Variants in DNAH6 observed in about 807,000 individuals in gnomAD.
DNAH6 encodes the protein axonemal beta dynein heavy chain 6.
A neutral mutation model predicts 491.4 loss-of-function variants in DNAH6; 340 were observed. The observed-to-expected ratio is 0.69, with a 90% CI of 0.63 to 0.76. The LOEUF is 0.76. DNAH6 is among the 30% of genes least tolerant of loss of function. DNAH6 has a pLI of 0.00. For synonymous variants in DNAH6, 1,603 were observed against 1,686.1 expected (o/e 0.95, Z 1.21); for missense variants, 4,443 against 4,972.2 (o/e 0.89, Z 3.20).
intron 61 of DNAH6, among the ~76,000 whole-genome samples, chr2:84,729,636 G>A (rs1319469724): frequency 6.6e-6 from 1 of 152,130 alleles, no homozygotes; most frequent in Admixed American, 6.5e-5. Context: ...ATCTTGAAAA[G>A]TTTAAAATAT....
At chr2:84,530,434 G>A (rs1184411661) in intron 4 of DNAH6, among the ~76,000 whole-genome samples, 1 of 152,120 alleles carries the variant, frequency 6.6e-6, no homozygotes, top group Non-Finnish European at 1.5e-5. Context: ...CCTGAACTGG[G>A]AGCAGACCTG....
At chr2:84,647,812 A>T (rs905476001) in intron 33 of DNAH6, among the ~76,000 whole-genome samples, 1 of 152,276 alleles carries the variant, frequency 6.6e-6, no homozygotes, top group African/African-American at 2.4e-5. Context: ...ATCATTCTAT[A>T]GCATTCTGTT....
chr2:84,577,479 A>G, intron 13 of DNAH6, 71 bp downstream of exon 13: 1 of 1,116,146 alleles, frequency 9.0e-7, no homozygotes, highest in Non-Finnish European at 1.2e-6. Context: ...CTGCACAAAA[A>G]CCTAGTATTT....
chr2:84,575,527 G>A (rs914492750), intron 12 of DNAH6, among the ~76,000 whole-genome samples: 1 of 152,180 alleles, frequency 6.6e-6, no homozygotes, highest in Non-Finnish European at 1.5e-5. Context: ...GCAACCTCAG[G>A]ATTAAACAGC....
chr2:84,592,837 A>G (rs1375545384), intron 16 of DNAH6, among the ~76,000 whole-genome samples: 1 of 152,194 alleles, frequency 6.6e-6, no homozygotes, highest in African/African-American at 2.4e-5. Flanking sequence ...CTACAAAAGG[A>G]CAAATACTGC....
chr2:84,752,779 G>T (rs754229683), intron 63 of DNAH6, among the ~76,000 whole-genome samples: 3 of 152,028 alleles, frequency 2.0e-5, no homozygotes, highest in East Asian at 1.9e-4. Flanking sequence ...ATACTATTGC[G>T]TGGATATGCC....
chr2:84,613,140 A>AGTGTGT (rs745776121), intron 22 of DNAH6, among the ~76,000 whole-genome samples: 1 of 150,928 alleles, frequency 6.6e-6, no homozygotes, highest in South Asian at 2.1e-4. Context: ...TGAGAGAGAG[A>AGTGTGT]GAGAGTGTGT....
Position 84,529,026 on chromosome 2 carries a change from C to T in DNAH6, c.522C>T (p.Asp174=), listed in dbSNP as rs1041251638. 6.4e-7 allele frequency: 1 copy of T among 1,551,314 alleles called. No individual in the cohort carries two copies. ...CTTACCCTAAGTACACTTTTCACGA[C>T]CGAGAAGAAGTTGTTAAAGCCAACA... ...SSAYPKYTFH[D]REEVVKANIR... The change falls in exon 4 of 77, where the codon GAC becomes GAT. Residue 174 remains aspartate (D), a synonymous_variant. Coordinates refer to ENST00000389394, the MANE Select transcript of DNAH6 (RefSeq NM_001370.2).
At chr2:84,620,625 T>C (rs901821611) in intron 24 of DNAH6, among the ~76,000 whole-genome samples, 4 of 152,058 alleles carry the variant, frequency 2.6e-5, no homozygotes, top group Admixed American at 6.6e-5. Flanking sequence ...GTGGTGTATC[T>C]ATGGGAACAT....
intron 18 of DNAH6, among the ~76,000 whole-genome samples, chr2:84,603,185 A>G (rs531285683): frequency 6.6e-6 from 1 of 152,146 alleles, no homozygotes; most frequent in Non-Finnish European, 1.5e-5. Context: ...GGTATCTTAT[A>G]TAGTACAGTA....
chr2:84,741,520 A>G (rs1391059008), intron 62 of DNAH6, among the ~76,000 whole-genome samples: 2 of 151,960 alleles, frequency 1.3e-5, no homozygotes, highest in African/African-American at 4.8e-5. Flanking sequence ...TCAAAAGGGC[A>G]CCTTGGGCCT....
intron 41 of DNAH6, among the ~76,000 whole-genome samples, chr2:84,677,809 G>A (rs1693396171): frequency 1.3e-5 from 2 of 152,194 alleles, no homozygotes. Flanking sequence ...AAGAGAGATT[G>A]TGAGCTGAGT....
the DNAH6 span, among the ~76,000 whole-genome samples, chr2:84,510,771 C>T: frequency 2.6e-5 from 4 of 152,144 alleles, no homozygotes; most frequent in South Asian, 2.1e-4. Context: ...GTCCTTTCTG[C>T]TTGTTAGTTT....
chr2:84,692,438 TAGATAGATA>T (rs1415186240), intron 45 of DNAH6, among the ~76,000 whole-genome samples: 2 of 145,624 alleles, frequency 1.4e-5, no homozygotes, highest in African/African-American at 5.3e-5. Context: ...GATAGATAGA[TAGATAGATA>T]GATAGATAGA....
chr2:84,559,407 T>C (rs1041211916), intron 11 of DNAH6, among the ~76,000 whole-genome samples: 12 of 152,040 alleles, frequency 7.9e-5, no homozygotes, highest in African/African-American at 2.9e-4. Flanking sequence ...CTACTGAAAA[T>C]GTAAGTGCTG....
At chr2:84,510,207 TA>T in the DNAH6 span, among the ~76,000 whole-genome samples, 1 of 152,244 alleles carries the variant, frequency 6.6e-6, no homozygotes, top group South Asian at 2.1e-4. Context: ...CACTTTCAGG[TA>T]CAAAAATCAG....
At chr2:84,781,467 T>C (rs1361043432) in intron 64 of DNAH6, 26 bp from the exon 65 acceptor site, 8 of 1,527,676 alleles carry the variant, frequency 5.2e-6, no homozygotes, top group Non-Finnish European at 6.2e-6. Flanking sequence ...CATAAGATGA[T>C]ATTGTGTTCT....
chr2:84,762,896 C>T lies in DNAH6; in HGVS notation c.10654C>T (p.Pro3552Ser). Residue 3552 changes from proline (P) to serine (S), a missense_variant, in exon 64 of 77, where the codon CCC becomes TCC. By Grantham distance (74) the Pro-to-Ser change is moderately conservative. Around this residue, in one of 3 missense-constraint regions of DNAH6, gnomAD observed 1,463 missense variants for 1,656.6 expected, o/e 0.88. Coordinates refer to ENST00000389394, the MANE Select transcript of DNAH6 (RefSeq NM_001370.2). ...ATTCATCCTAAGCACAGGCTCAGATCCCATGGGTGCATTTCAGAGGTTTGC... is the reference window on the plus strand; with the variant it reads ...ATTCATCCTAAGCACAGGCTCAGATTCCATGGGTGCATTTCAGAGGTTTGC... ...LVFILSTGSD[P>S]MGAFQRFARE... 3 of 1,551,540 alleles carry T rather than the reference C, an allele frequency of 1.9e-6. No homozygotes were observed. Among genetic ancestry groups the T allele is most frequent in the Non-Finnish European group, 2.6e-6 (3 of 1,146,834 alleles).
chr2:84,465,831 A>G, the DNAH6 span, among the ~76,000 whole-genome samples: 1 of 152,268 alleles, frequency 6.6e-6, no homozygotes, highest in Non-Finnish European at 1.5e-5. Flanking sequence ...ACTTAAAAAC[A>G]ATTGATAAGA....
Sources: allele counts gnomAD v4.1 joint callset (sites outside exome capture counted in the v4.1 genomes callset), GRCh38; gene constraint gnomAD v4.1.1; regional missense constraint gnomAD v4.1.1; transcripts MANE v1.5; gene names NCBI Gene and HGNC (gene_info 2026-07-23, HGNC 2026-07-21).